Variants in GRIN2A observed in about 807,000 individuals in gnomAD.
GRIN2A encodes the protein glutamate ionotropic receptor NMDA type subunit 2A, also known as glutamate receptor ionotropic, NMDA 2A.
A neutral mutation model predicts 113.4 loss-of-function variants in GRIN2A; 22 were observed. That is an observed-to-expected ratio of 0.19 (90% CI 0.14 to 0.28). The LOEUF is 0.28. GRIN2A is among the 10% of genes least tolerant of loss of function. The pLI, the probability that GRIN2A is intolerant of heterozygous loss-of-function variation, is 1.00. For synonymous variants in GRIN2A, 827 were observed against 738.4 expected (o/e 1.12, Z -1.94); for missense variants, 1,502 against 1,887.0 (o/e 0.80, Z 3.78).
intron 11 of GRIN2A, among the ~76,000 whole-genome samples, chr16:9,772,976 G>A (rs1901372966): frequency 1.4e-5 from 2 of 144,600 alleles, no homozygotes; most frequent in Admixed American, 6.9e-5. Context: ...ACCAATTACA[G>A]CCTGTTCCAA....
intron 2 of GRIN2A, among the ~76,000 whole-genome samples, chr16:10,116,082 A>G (rs535935908): frequency 6.6e-6 from 1 of 152,364 alleles, no homozygotes; most frequent in Non-Finnish European, 1.5e-5. Flanking sequence ...ATGCCCATCA[A>G]TGATAGACTG....
intron 2 of GRIN2A, chr16:10,112,352 G>T: frequency 1.5e-6 from 1 of 657,122 alleles, no homozygotes. Context: ...ATGTAGTTAT[G>T]GGCTGCAGCT....
rs1021237120 is a variant in GRIN2A, at chr16:9,754,800, A to G, written c.*8349T>C. 1.4e-5 allele frequency: 3 copies of G among 221,786 alleles called. No individual in the cohort carries two copies. The highest frequency in any genetic ancestry group is 4.5e-5 in the African/African-American group (2 of 44,704). 13.7% of individuals were successfully genotyped at this position (221,786 alleles called of 1,614,324 possible). On this transcript the variant is annotated 3_prime_UTR_variant, in exon 13 of 13. Transcript: ENST00000330684. Reference sequence around the variant, plus strand: ...TGTTTTTCATGGAAAAAAAAAGACAATGTTTTCGTATTTCTGGATCTTCGC... The same window carrying G: ...TGTTTTTCATGGAAAAAAAAAGACAGTGTTTTCGTATTTCTGGATCTTCGC...
intron 2 of GRIN2A, among the ~76,000 whole-genome samples, chr16:10,140,645 C>T (rs1486549295): frequency 6.6e-6 from 1 of 152,210 alleles, no homozygotes; most frequent in Non-Finnish European, 1.5e-5. Flanking sequence ...ATCTCCAGCT[C>T]TCAGGATATG....
intron 2 of GRIN2A, among the ~76,000 whole-genome samples, chr16:10,110,218 C>T (rs909720514): frequency 6.6e-6 from 1 of 152,122 alleles, no homozygotes; most frequent in Non-Finnish European, 1.5e-5. Flanking sequence ...GCAGAGGCTA[C>T]AGGGTAAGAA....
chr16:10,135,620 A>G (rs1379236223), intron 2 of GRIN2A, among the ~76,000 whole-genome samples: 1 of 152,216 alleles, frequency 6.6e-6, no homozygotes, highest in Non-Finnish European at 1.5e-5. Context: ...CGGGAGACAT[A>G]TATTAAGAAA....
chr16:9,923,996 A>C (rs2044405329), intron 3 of GRIN2A, among the ~76,000 whole-genome samples: 1 of 150,600 alleles, frequency 6.6e-6, no homozygotes, highest in Non-Finnish European at 1.5e-5. Context: ...GCTTGGTGGC[A>C]TGTGCCTGTA....
intron 12 of GRIN2A, among the ~76,000 whole-genome samples, chr16:9,768,539 A>C (rs374505605): frequency 6.6e-6 from 1 of 152,178 alleles, no homozygotes; most frequent in Non-Finnish European, 1.5e-5. Flanking sequence ...ACATCATGCA[A>C]TTGGCCACAG....
At chr16:9,810,515 G>C (rs1326443378) in intron 10 of GRIN2A, among the ~76,000 whole-genome samples, 2 of 152,068 alleles carry the variant, frequency 1.3e-5, no homozygotes, top group Non-Finnish European at 2.9e-5. Context: ...ATTTAGGGTG[G>C]GTCCTAACTC....
intron 10 of GRIN2A, among the ~76,000 whole-genome samples, chr16:9,817,331 A>G (rs1029549998): frequency 6.6e-6 from 1 of 152,150 alleles, no homozygotes; most frequent in Non-Finnish European, 1.5e-5. Flanking sequence ...TGCTTATTAT[A>G]ATAAAGATTC....
rs559640634 is a variant in GRIN2A at position 10,023,041 on chromosome 16, T to G, written c.415-84490A>C. 5.3e-5 allele frequency among the ~76,000 whole-genome samples: 8 copies of G among 152,336 alleles called. No individual in the cohort carries two copies. In the East Asian group the frequency reaches 1.5e-3, roughly 29 times the overall value. On this transcript the variant is annotated intron_variant, in intron 2 of 12. Transcript: ENST00000330684. The stretch of plus-strand genomic sequence containing the variant: ...ATCAGGGGGATATAGCTTAACTTTC[T>G]TGCTTAAACAACCCGAGATGATCAG...
chr16:10,085,155 C>T (rs1011531527), intron 2 of GRIN2A, among the ~76,000 whole-genome samples: 16 of 152,092 alleles, frequency 1.1e-4, no homozygotes, highest in African/African-American at 3.1e-4. Flanking sequence ...TGAAGAAACA[C>T]GAGGTTCATG....
At chr16:9,890,700 C>A (rs2043675724) in intron 4 of GRIN2A, among the ~76,000 whole-genome samples, 1 of 152,214 alleles carries the variant, frequency 6.6e-6, no homozygotes, top group Admixed American at 6.5e-5. Flanking sequence ...TGCTGCAACC[C>A]AGACTTCACT....
intron 2 of GRIN2A, among the ~76,000 whole-genome samples, chr16:9,961,956 C>T (rs539253547): frequency 4.6e-5 from 7 of 152,110 alleles, no homozygotes; most frequent in Non-Finnish European, 1.0e-4. Context: ...GAAATAATAC[C>T]ACATATCTAC....
chr16:9,953,190 G>A (rs1450031386), intron 2 of GRIN2A, among the ~76,000 whole-genome samples: 1 of 152,192 alleles, frequency 6.6e-6, no homozygotes, highest in African/African-American at 2.4e-5. Context: ...TTCAAGAGAT[G>A]TTTAGGAGGT....
chr16:10,059,374 T>C (rs910813726), intron 2 of GRIN2A, among the ~76,000 whole-genome samples: 1 of 148,034 alleles, frequency 6.8e-6, no homozygotes, highest in Non-Finnish European at 1.5e-5. Context: ...GCCATTGCAT[T>C]CATCCAAGTA....
chr16:9,935,303 G>A (rs1056239123), intron 3 of GRIN2A, among the ~76,000 whole-genome samples: 1 of 152,146 alleles, frequency 6.6e-6, no homozygotes, highest in African/African-American at 2.4e-5. Context: ...CTCTGTAAGA[G>A]ACTCCCATGT....
In GRIN2A at chr16:10,182,147, CTGCAGTGCTCACAAGCCCCCCTA is replaced by C. The variant is rs1424785661; in HGVS notation, c.-312_-290del. The C allele has an allele frequency of 6.5e-6, 1 of 152,916 alleles. No homozygotes were observed. The highest frequency in any genetic ancestry group is 1.5e-5 in the Non-Finnish European group (1 of 68,468). 9.5% of individuals were successfully genotyped at this position (152,916 alleles called of 1,614,324 possible). ...GGAGGGTTGAGGGGAAGGCTGCAGT[CTGCAGTGCTCACAAGCCCCCCTA>C]TGCGCCCAGGGGGGCTAGACAAGAG... is the stretch of plus-strand genomic sequence containing the variant. On this transcript the variant is annotated 5_prime_UTR_variant, in exon 1 of 13. Coordinates refer to ENST00000330684, the MANE Select transcript of GRIN2A (RefSeq NM_001134407.3).
intron 11 of GRIN2A, among the ~76,000 whole-genome samples, chr16:9,797,654 G>A (rs1371988591): frequency 6.6e-6 from 1 of 152,148 alleles, no homozygotes; most frequent in Non-Finnish European, 1.5e-5. Context: ...ACCTCAAAAT[G>A]CATCAGAAAT....
Sources: gnomAD v4.1 joint callset for allele counts (sites outside exome capture counted in the v4.1 genomes callset) on GRCh38, gnomAD v4.1.1 for gene constraint, MANE v1.5 for transcripts, NCBI Gene and HGNC (gene_info 2026-07-23, HGNC 2026-07-21) for gene names.